Variants in SLC30A8 observed in about 807,000 individuals in gnomAD.
The protein encoded by SLC30A8 is proton-coupled zinc antiporter SLC30A8.
In SLC30A8, 27 loss-of-function variants were observed where a neutral mutation model predicts 36.9. The observed-to-expected ratio is 0.73, with a 90% confidence interval of 0.54 to 1.01. The LOEUF is 1.01. Ranked by LOEUF, SLC30A8 falls within the 50% of genes least tolerant of loss-of-function variation. The probability of loss-of-function intolerance (pLI) is 0.00; values close to 1 mark genes in which losing one functional copy is unlikely to be tolerated. For synonymous variants in SLC30A8, 164 were observed against 172.4 expected, an observed-to-expected ratio of 0.95 and a Z score of 0.38; for missense variants, 439 against 452.0, an observed-to-expected ratio of 0.97 and a Z score of 0.26.
At chr8:117,105,941 G>C (rs1003526173) in intron 2 of SLC30A8, among the ~76,000 whole-genome samples, 1 of 152,124 alleles carries the variant, frequency 6.6e-6, no homozygotes, top group Non-Finnish European at 1.5e-5. Context: ...TAGCTATCCA[G>C]GTCTAACTTC....
chr8:117,120,419 A>G (rs1375129928), intron 2 of SLC30A8, among the ~76,000 whole-genome samples: 1 of 151,914 alleles, frequency 6.6e-6, no homozygotes, highest in Non-Finnish European at 1.5e-5. Flanking sequence ...ACAACATGCA[A>G]AAGAATGAAA....
At chr8:117,124,728 T>G (rs112146096) in intron 2 of SLC30A8, among the ~76,000 whole-genome samples, 2 of 136,316 alleles carry the variant, frequency 1.5e-5, no homozygotes, top group African/African-American at 6.8e-5. Context: ...TTCTCACTTA[T>G]AAGTGGGAGC....
At chr8:117,084,563 A>G (rs1034239615) in intron 2 of SLC30A8, among the ~76,000 whole-genome samples, 2 of 152,164 alleles carry the variant, frequency 1.3e-5, no homozygotes, top group African/African-American at 4.8e-5. Context: ...ATTCTCTGAG[A>G]AATTCCATTT....
At chr8:117,021,487 T>G (rs1034320595) in intron 1 of SLC30A8, among the ~76,000 whole-genome samples, 2 of 152,158 alleles carry the variant, frequency 1.3e-5, no homozygotes, top group Non-Finnish European at 2.9e-5. Flanking sequence ...TGAAGGAGAT[T>G]AAAGAATACC....
intron 1 of SLC30A8, among the ~76,000 whole-genome samples, chr8:116,978,448 C>G (rs1815129911): frequency 1.2e-5 from 1 of 81,378 alleles, no homozygotes. Flanking sequence ...ATACATGATG[C>G]TTGATGCTTT....
At chr8:116,954,822 C>G (rs2130576466) in intron 1 of SLC30A8, among the ~76,000 whole-genome samples, 1 of 151,976 alleles carries the variant, frequency 6.6e-6, no homozygotes, top group East Asian at 1.9e-4. Flanking sequence ...TAATGGATAG[C>G]CAAATAAGAG....
intron 1 of SLC30A8, among the ~76,000 whole-genome samples, chr8:117,011,373 A>G (rs2130705068): frequency 6.6e-6 from 1 of 152,314 alleles, no homozygotes; most frequent in South Asian, 2.1e-4. Context: ...GAAACTTATC[A>G]TTTTAGTCTG....
At chr8:117,013,905 A>G (rs1816427180) in intron 1 of SLC30A8, among the ~76,000 whole-genome samples, 1 of 152,200 alleles carries the variant, frequency 6.6e-6, no homozygotes, top group Admixed American at 6.5e-5. Context: ...TTTCAATGAT[A>G]GCACATTTAA....
At chr8:117,087,346 C>T (rs190306591) in intron 2 of SLC30A8, among the ~76,000 whole-genome samples, 27 of 152,244 alleles carry the variant, frequency 1.8e-4, no homozygotes, top group East Asian at 5.8e-4. Flanking sequence ...GTGTGGCAAC[C>T]GATGACCACA....
chr8:116,984,143 ATTCC>A (rs1444369278), intron 1 of SLC30A8, among the ~76,000 whole-genome samples: 1 of 152,140 alleles, frequency 6.6e-6, no homozygotes, highest in Admixed American at 6.6e-5. Flanking sequence ...TCACAAATTC[ATTCC>A]TTTTTATTGC....
intron 1 of SLC30A8, among the ~76,000 whole-genome samples, chr8:116,965,849 A>G (rs1318364661): frequency 2.0e-5 from 3 of 151,274 alleles, no homozygotes; most frequent in African/African-American, 7.3e-5. Flanking sequence ...TTCTTGCTAG[A>G]GGCTCTTCCC....
At chr8:117,051,450 C>T (rs772641233) in intron 2 of SLC30A8, among the ~76,000 whole-genome samples, 22 of 152,164 alleles carry the variant, frequency 1.4e-4, no homozygotes, top group Non-Finnish European at 2.1e-4. Context: ...CCCTTATGAA[C>T]GGCTTAGTGT....
chr8:117,092,077 TC>T (rs1267905524), intron 2 of SLC30A8, among the ~76,000 whole-genome samples: 1 of 152,182 alleles, frequency 6.6e-6, no homozygotes, highest in African/African-American at 2.4e-5. Context: ...TCTTTACTCA[TC>T]ATTAATCGTC....
At chr8:117,093,907 G>A (rs1267810686) in intron 2 of SLC30A8, among the ~76,000 whole-genome samples, 1 of 152,234 alleles carries the variant, frequency 6.6e-6, no homozygotes, top group Admixed American at 6.5e-5. Context: ...TCCAGCCACT[G>A]TGCACAGGCA....
chr8:117,022,698 C>G (rs1482123223), intron 1 of SLC30A8, among the ~76,000 whole-genome samples: 2 of 152,176 alleles, frequency 1.3e-5, no homozygotes, highest in Non-Finnish European at 2.9e-5. Context: ...AACTGGATCC[C>G]TTCCTTACAC....
intron 1 of SLC30A8, among the ~76,000 whole-genome samples, chr8:116,963,404 A>G (rs1262084899): frequency 2.0e-5 from 3 of 152,066 alleles, no homozygotes; most frequent in Admixed American, 1.3e-4. Flanking sequence ...CATCACCCCC[A>G]AATGAAACGC....
intron 2 of SLC30A8, among the ~76,000 whole-genome samples, chr8:117,092,732 G>C (rs1819185861): frequency 6.6e-6 from 1 of 152,178 alleles, no homozygotes; most frequent in African/African-American, 2.4e-5. Flanking sequence ...GGTACAAGCT[G>C]GGGAGGTTCC....
At chr8:116,992,943 C>T (rs534961175) in intron 1 of SLC30A8, among the ~76,000 whole-genome samples, 7 of 150,928 alleles carry the variant, frequency 4.6e-5, no homozygotes, top group African/African-American at 9.7e-5. Flanking sequence ...ACAGAGCCTA[C>T]GCAGAGAATC....
In SLC30A8 at chr8:117,174,662, T is replaced by C. The variant is rs1445696973; in HGVS notation, c.*1981T>C. The C allele has an allele frequency of 6.6e-6, 1 of 152,606 alleles. No homozygotes were observed. Among genetic ancestry groups the C allele is most frequent in the Non-Finnish European group, 1.5e-5 (1 of 68,012 alleles). The allele number at this position is 152,606 out of a possible 1,614,324, so 9.5% of individuals were successfully genotyped here. A position where few individuals can be genotyped will look rare whatever the true frequency, so the allele number is the denominator to read the frequency against. ...GACTTGGCAAACACACAAGTGTTAGTATAATTCTTTGCTTCTGCTTCTTTT... is the reference window on the plus strand; with the variant it reads ...GACTTGGCAAACACACAAGTGTTAGCATAATTCTTTGCTTCTGCTTCTTTT... On this transcript the variant is annotated 3_prime_UTR_variant, in exon 8 of 8. Coordinates refer to ENST00000456015, the MANE Select transcript of SLC30A8 (RefSeq NM_173851.3).
Sources: gnomAD v4.1 joint callset for allele counts (sites outside exome capture counted in the v4.1 genomes callset) on GRCh38, gnomAD v4.1.1 for gene constraint, MANE v1.5 for transcripts, NCBI Gene and HGNC (gene_info 2026-07-23, HGNC 2026-07-21) for gene names.